PARD3: variants seen among roughly 807,000 people sequenced by gnomAD.
PARD3 encodes par-3 family cell polarity regulator.
Under a neutral mutation model 155.4 loss-of-function variants are expected in PARD3, and 75 were observed. The observed-to-expected ratio is 0.48, with a 90% confidence interval of 0.40 to 0.58. The LOEUF (loss-of-function observed/expected upper bound fraction) is 0.58, where lower values mean the gene tolerates loss of function less well. Among genes scored for constraint, PARD3 ranks in the 20% least tolerant of loss-of-function variants. PARD3 has a pLI of 0.00. For synonymous variants in PARD3, 576 were observed against 610.5 expected (o/e 0.94, Z 0.83); for missense variants, 1,642 against 1,721.7 (o/e 0.95, Z 0.82).
intron 22 of PARD3, among the ~76,000 whole-genome samples, chr10:34,195,424 A>C (rs1321358195): frequency 8.8e-6 from 1 of 113,262 alleles, no homozygotes; most frequent in East Asian, 3.0e-4. Flanking sequence ...TGCTACAAAT[A>C]CACACACACA....
At chr10:34,448,971 T>C (rs2076910371) in intron 5 of PARD3, among the ~76,000 whole-genome samples, 1 of 147,738 alleles carries the variant, frequency 6.8e-6, no homozygotes, top group Non-Finnish European at 1.5e-5. Context: ...CAGGCTAGAG[T>C]GCAGTGGCGT....
intron 22 of PARD3, among the ~76,000 whole-genome samples, chr10:34,219,270 G>A (rs779529999): frequency 6.6e-6 from 1 of 152,108 alleles, no homozygotes; most frequent in Non-Finnish European, 1.5e-5. Context: ...CTGGCAGTAG[G>A]AAATGTTGCA....
chr10:34,651,030 A>C (rs1278351411), intron 2 of PARD3, among the ~76,000 whole-genome samples: 7 of 135,748 alleles, frequency 5.2e-5, no homozygotes, highest in Non-Finnish European at 1.0e-4. Context: ...AAAAAAAAAA[A>C]AAAAAAAAAA....
At chr10:34,511,871 A>G (rs929160942) in intron 3 of PARD3, among the ~76,000 whole-genome samples, 7 of 152,176 alleles carry the variant, frequency 4.6e-5, no homozygotes, top group Non-Finnish European at 1.5e-5. Flanking sequence ...GAGTGCAGTC[A>G]CACACCACCA....
chr10:34,739,790 C>T (rs2094975918), intron 1 of PARD3, among the ~76,000 whole-genome samples: 1 of 152,176 alleles, frequency 6.6e-6, no homozygotes, highest in Non-Finnish European at 1.5e-5. Flanking sequence ...GAAAATGCCC[C>T]ATGCACTGAC....
intron 2 of PARD3, among the ~76,000 whole-genome samples, chr10:34,576,714 C>A (rs368503404): frequency 1.3e-5 from 2 of 152,064 alleles, no homozygotes; most frequent in African/African-American, 4.8e-5. Context: ...CAGTCTCCAA[C>A]CCAAAGATAA....
At chr10:34,780,963 C>T (rs1840167655) in intron 1 of PARD3, among the ~76,000 whole-genome samples, 2 of 152,198 alleles carry the variant, frequency 1.3e-5, no homozygotes, top group South Asian at 4.1e-4. Flanking sequence ...AACATAAAAG[C>T]AACTTGGGAT....
At chr10:34,778,958 T>C (rs1388184623) in intron 1 of PARD3, among the ~76,000 whole-genome samples, 1 of 152,212 alleles carries the variant, frequency 6.6e-6, no homozygotes, top group Non-Finnish European at 1.5e-5. Flanking sequence ...TCCTTCAGCA[T>C]ACATAGTATA....
At chr10:34,480,865 G>A (rs536527624) in intron 3 of PARD3, among the ~76,000 whole-genome samples, 5 of 145,540 alleles carry the variant, frequency 3.4e-5, no homozygotes, top group African/African-American at 1.0e-4. Context: ...GCAGTGGCGC[G>A]ATATCGGCTC....
chr10:34,691,029 A>C (rs932276172), intron 2 of PARD3, among the ~76,000 whole-genome samples: 2 of 152,168 alleles, frequency 1.3e-5, no homozygotes, highest in Non-Finnish European at 2.9e-5. Flanking sequence ...CCTTGGCAAC[A>C]CAATGAGACC....
intron 2 of PARD3, among the ~76,000 whole-genome samples, chr10:34,684,826 C>CAT (rs1564504783): frequency 4.4e-5 from 4 of 90,390 alleles, no homozygotes; most frequent in Non-Finnish European, 8.8e-5. Flanking sequence ...CACACACACA[C>CAT]ACACATATAT....
intron 1 of PARD3, among the ~76,000 whole-genome samples, chr10:34,775,204 G>A (rs1839387196): frequency 6.6e-6 from 1 of 152,090 alleles, no homozygotes. Context: ...ATATACTACT[G>A]AACCAAGATT....
chr10:34,758,030 G>GC (rs1836972246), intron 1 of PARD3, among the ~76,000 whole-genome samples: 1 of 152,164 alleles, frequency 6.6e-6, no homozygotes, highest in African/African-American at 2.4e-5. Flanking sequence ...TCCTAAAAAT[G>GC]CATCTGTTCC....
chr10:34,577,887 T>C (rs1020644028), intron 2 of PARD3, among the ~76,000 whole-genome samples: 1 of 151,876 alleles, frequency 6.6e-6, no homozygotes. Context: ...GGTCTCACTC[T>C]GTCAACCAAG....
chr10:34,622,827 C>CTTT (rs567045063), intron 2 of PARD3, among the ~76,000 whole-genome samples: 14 of 113,486 alleles, frequency 1.2e-4, no homozygotes, highest in Middle Eastern at 4.9e-3. Context: ...TTCTTTTTTT[C>CTTT]TTTTTTTTTT....
intron 2 of PARD3, among the ~76,000 whole-genome samples, chr10:34,576,937 A>C (rs1257555342): frequency 3.9e-5 from 6 of 152,180 alleles, no homozygotes; most frequent in Non-Finnish European, 8.8e-5. Flanking sequence ...AGTAAAACTC[A>C]ATTTTCTCCC....
At position 34,186,599 on chromosome 10, in the gene PARD3, G is replaced by A. The variant is rs535802529; in HGVS notation, c.3420-55016C>T. Among the ~76,000 whole-genome samples, 584 of 152,230 alleles carry A rather than the reference G, an allele frequency of 3.8e-3. 4 individuals carry two copies. The highest frequency in any genetic ancestry group is 0.014 in the Middle Eastern group (4 of 294). On this transcript the variant is annotated intron_variant, in intron 22 of 24. Coordinates refer to ENST00000374788, the MANE Select transcript of PARD3 (RefSeq NM_001184785.2). Reference sequence around the variant, plus strand: ...TCTTGTTTTCCCTCTGATGAGCCCAGAGTAAGCTACCATTCCCAGGGAAGA... The same window carrying A: ...TCTTGTTTTCCCTCTGATGAGCCCAAAGTAAGCTACCATTCCCAGGGAAGA...
intron 9 of PARD3, 56 bp from the exon 10 acceptor site, chr10:34,378,162 GGTGTATTGCACCA>G (rs778803385): frequency 1.0e-4 from 138 of 1,345,756 alleles, no homozygotes; most frequent in Non-Finnish European, 1.3e-4. Context: ...GAATTTTACA[GGTGTATTGCACCA>G]GTATACTCAA....
At chr10:34,429,671 C>T (rs1239886606) in intron 5 of PARD3, among the ~76,000 whole-genome samples, 5 of 152,032 alleles carry the variant, frequency 3.3e-5, no homozygotes, top group African/African-American at 1.2e-4. Context: ...CCACAACCTC[C>T]GCCTCCCGGG....
Sources: gnomAD v4.1 joint callset for allele counts (sites outside exome capture counted in the v4.1 genomes callset) on GRCh38, gnomAD v4.1.1 for gene constraint, MANE v1.5 for transcripts, NCBI Gene and HGNC (gene_info 2026-07-23, HGNC 2026-07-21) for gene names.